Variants in ZBTB20 observed in about 807,000 individuals in gnomAD.
The protein encoded by ZBTB20 is zinc finger and BTB domain containing 20, also known as zinc finger and BTB domain-containing protein 20.
In ZBTB20, 9 loss-of-function variants were observed where a neutral mutation model predicts 56.9. The observed-to-expected ratio is 0.16, with a 90% CI of 0.10 to 0.28. The LOEUF (loss-of-function observed/expected upper bound fraction) is 0.28. ZBTB20 is among the 10% of genes least tolerant of loss of function. ZBTB20 has a pLI of 1.00. For missense variants in ZBTB20, 655 were observed against 1,003.0 expected, an observed-to-expected ratio of 0.65 and a Z score of 4.69; for synonymous variants, 417 against 420.7, an observed-to-expected ratio of 0.99 and a Z score of 0.11.
chr3:114,485,654 G>A (rs1334421471), intron 7 of ZBTB20, among the ~76,000 whole-genome samples: 1 of 152,160 alleles, frequency 6.6e-6, no homozygotes, highest in African/African-American at 2.4e-5. Context: ...TTAAGAGGTG[G>A]AGTCTTTAGG....
At chr3:115,095,976 T>C (rs1033237799) in intron 1 of ZBTB20, among the ~76,000 whole-genome samples, 1 of 152,212 alleles carries the variant, frequency 6.6e-6, no homozygotes, top group Non-Finnish European at 1.5e-5. Flanking sequence ...ATGTATGAAA[T>C]GGGTTTTTCA....
At chr3:114,615,489 T>A (rs1227843791) in intron 6 of ZBTB20, among the ~76,000 whole-genome samples, 1 of 152,138 alleles carries the variant, frequency 6.6e-6, no homozygotes, top group East Asian at 1.9e-4. Context: ...CACAGGTAAA[T>A]GTAAAAGTTC....
chr3:114,677,127 G>T (rs1412791838), intron 6 of ZBTB20, among the ~76,000 whole-genome samples: 1 of 152,018 alleles, frequency 6.6e-6, no homozygotes, highest in African/African-American at 2.4e-5. Flanking sequence ...AGCTCACCTC[G>T]GTCATCAGCT....
chr3:114,462,001 AT>A (rs1410046070), intron 7 of ZBTB20, among the ~76,000 whole-genome samples: 1 of 152,196 alleles, frequency 6.6e-6, no homozygotes, highest in Non-Finnish European at 1.5e-5. Context: ...TTCTTAGTCT[AT>A]TTGTCTCATC....
At chr3:114,364,151 G>C (rs2082158670) in intron 10 of ZBTB20, among the ~76,000 whole-genome samples, 1 of 150,822 alleles carries the variant, frequency 6.6e-6, no homozygotes, top group Admixed American at 6.6e-5. Context: ...ATATGATTTT[G>C]TGTCAAAACC....
intron 4 of ZBTB20, among the ~76,000 whole-genome samples, chr3:114,863,996 C>A (rs745312120): frequency 6.6e-6 from 1 of 151,900 alleles, no homozygotes; most frequent in Non-Finnish European, 1.5e-5. Flanking sequence ...AGAAAACATC[C>A]TAAATACATC....
chr3:114,881,977 T>C (rs527288428), intron 4 of ZBTB20, among the ~76,000 whole-genome samples: 1 of 151,774 alleles, frequency 6.6e-6, no homozygotes, highest in Non-Finnish European at 1.5e-5. Context: ...ATTGAAAAAA[T>C]GAAACTACAT....
At chr3:114,873,385 TG>T (rs2076077599) in intron 4 of ZBTB20, among the ~76,000 whole-genome samples, 1 of 152,288 alleles carries the variant, frequency 6.6e-6, no homozygotes, top group African/African-American at 2.4e-5. Context: ...AATGGAAAAC[TG>T]GTCATATTTA....
intron 6 of ZBTB20, among the ~76,000 whole-genome samples, chr3:114,686,665 C>T (rs1278899248): frequency 6.6e-6 from 1 of 152,120 alleles, no homozygotes; most frequent in Non-Finnish European, 1.5e-5. Flanking sequence ...CATTTCCCAA[C>T]CTGTTTATTC....
At chr3:114,975,636 A>C (rs929535648) in intron 2 of ZBTB20, among the ~76,000 whole-genome samples, 3 of 152,186 alleles carry the variant, frequency 2.0e-5, no homozygotes, top group African/African-American at 7.2e-5. Flanking sequence ...ATTCTGCATC[A>C]GCAAACTAGG....
At chr3:114,359,008 G>T (rs1407318046) in intron 10 of ZBTB20, among the ~76,000 whole-genome samples, 2 of 151,730 alleles carry the variant, frequency 1.3e-5, no homozygotes, top group African/African-American at 4.8e-5. Flanking sequence ...AGGACCTCAT[G>T]GTATGCTTTT....
intron 2 of ZBTB20, among the ~76,000 whole-genome samples, chr3:115,003,890 A>T (rs888225455): frequency 1.3e-5 from 2 of 151,706 alleles, no homozygotes; most frequent in East Asian, 2.0e-4. Flanking sequence ...ATGGATTTTT[A>T]AAAACTCCAA....
At chr3:114,618,605 A>C (rs956362945) in intron 6 of ZBTB20, among the ~76,000 whole-genome samples, 6 of 152,102 alleles carry the variant, frequency 3.9e-5, no homozygotes, top group Non-Finnish European at 7.4e-5. Context: ...TGAATGAATT[A>C]ATGTTAAATC....
chr3:114,541,279 C>T (rs1349957107), intron 6 of ZBTB20, among the ~76,000 whole-genome samples: 1 of 152,082 alleles, frequency 6.6e-6, no homozygotes, highest in Non-Finnish European at 1.5e-5. Flanking sequence ...TCTAATTGCA[C>T]AAAAGTCATG....
intron 3 of ZBTB20, among the ~76,000 whole-genome samples, chr3:114,906,537 T>C (rs1250448102): frequency 6.6e-6 from 1 of 151,254 alleles, no homozygotes; most frequent in Non-Finnish European, 1.5e-5. Context: ...AGATTAATCA[T>C]ATTTAAAATG....
intron 6 of ZBTB20, among the ~76,000 whole-genome samples, chr3:114,660,089 T>C (rs141305915): frequency 3.3e-4 from 50 of 152,266 alleles, no homozygotes; most frequent in Middle Eastern, 6.8e-3. Context: ...GTATTTTCCA[T>C]TGACCACTTG....
At chr3:114,672,589 A>G (rs997238569) in intron 6 of ZBTB20, among the ~76,000 whole-genome samples, 1 of 152,152 alleles carries the variant, frequency 6.6e-6, no homozygotes, top group African/African-American at 2.4e-5. Context: ...GGGCCAGTAG[A>G]CGCCAGCCTA....
intron 6 of ZBTB20, among the ~76,000 whole-genome samples, chr3:114,508,239 AATAAC>A (rs1423775325): frequency 6.6e-6 from 1 of 152,188 alleles, no homozygotes; most frequent in Non-Finnish European, 1.5e-5. Context: ...ATGTAAATCT[AATAAC>A]AGACTCACAG....
At chr3:115,035,162 A>C (rs1272836361) in intron 2 of ZBTB20, among the ~76,000 whole-genome samples, 1 of 152,126 alleles carries the variant, frequency 6.6e-6, no homozygotes, top group Non-Finnish European at 1.5e-5. Context: ...TGGATTTGGC[A>C]ATTATTTGAG....
Sources: gnomAD v4.1 joint callset for allele counts (sites outside exome capture counted in the v4.1 genomes callset) on GRCh38, gnomAD v4.1.1 for gene constraint, MANE v1.5 for transcripts, NCBI Gene and HGNC (gene_info 2026-07-23, HGNC 2026-07-21) for gene names.